The following ERI1 variants were observed in gnomAD, a reference collection of about 807,000 sequenced individuals.
ERI1 encodes 3'-5' exoribonuclease 1.
In ERI1, 39 loss-of-function variants were observed where a neutral mutation model predicts 39.7. That is an observed-to-expected ratio of 0.98 (90% CI 0.76 to 1.28). ERI1 has a LOEUF of 1.28. Ranked by LOEUF, ERI1 falls within the 50% of genes most tolerant of loss-of-function variation. The probability of loss-of-function intolerance (pLI) is 0.00; values close to 1 mark genes in which losing one functional copy is unlikely to be tolerated. For missense variants in ERI1, 581 were observed against 416.9 expected, an observed-to-expected ratio of 1.39 and a Z score of -3.43; for synonymous variants, 204 against 149.6, an observed-to-expected ratio of 1.36 and a Z score of -2.65.
chr8:9,037,674 C>G (rs1319159744), downstream of ERI1, among the ~76,000 whole-genome samples: 1 of 152,068 alleles, frequency 6.6e-6, no homozygotes, highest in African/African-American at 2.4e-5. Context: ...AGCGTAAGTC[C>G]TGACTGCCGT....
chr8:9,054,355 T>G (rs1798445025), intron 3 of ERI1, among the ~76,000 whole-genome samples: 1 of 152,220 alleles, frequency 6.6e-6, no homozygotes, highest in Non-Finnish European at 1.5e-5. Flanking sequence ...TTTCTACAAA[T>G]ACATTTCTTC....
intron 3 of ERI1, among the ~76,000 whole-genome samples, chr8:9,053,296 C>G (rs549869941): frequency 6.6e-6 from 1 of 152,294 alleles, no homozygotes; most frequent in South Asian, 2.1e-4. Context: ...GGATTATAGG[C>G]AAGAGCCACC....
chr8:9,047,044 G>C lies in ERI1; in HGVS notation n.299+26580G>C, dbSNP rs1019934807. Among the ~76,000 whole-genome samples the C allele has an allele frequency of 2.6e-5, 4 of 152,264 alleles. No individual in the cohort carries two copies. The East Asian group carries it at 7.7e-4, about 29-fold the overall frequency. ...AAACAATCAATACTGCCCAAGAACC[G>C]AATAAAGCACGGCTGTTCCCAACAG... On this transcript the variant is annotated intron_variant and non_coding_transcript_variant, in intron 3 of 3. Transcript: ENST00000518663.
At chr8:9,057,430 G>A (rs888626274) in intron 3 of ERI1, among the ~76,000 whole-genome samples, 12 of 152,206 alleles carry the variant, frequency 7.9e-5, no homozygotes, top group Admixed American at 7.2e-4. Flanking sequence ...AACTCCAATC[G>A]CCACCTAGAT....
At chr8:9,093,504 TAAAAAA>T (rs1040785856) in intron 3 of ERI1, among the ~76,000 whole-genome samples, 1 of 124,864 alleles carries the variant, frequency 8.0e-6, no homozygotes, top group East Asian at 2.4e-4. Flanking sequence ...ACCTTGTCTC[TAAAAAA>T]AAAAAAAAAA....
At chr8:9,061,985 T>G (rs2979254) in intron 3 of ERI1, among the ~76,000 whole-genome samples, 127,921 of 151,856 alleles carry the variant, frequency 0.84, 54,521 homozygotes, top group South Asian at 0.92. Flanking sequence ...GAGTATATGG[T>G]TTTGGCACCA....
At position 9,098,834 on chromosome 8, in the gene ERI1, TTTTG is replaced by T. The variant is rs369343451; in HGVS notation, n.300-17498_300-17495del. On this transcript the variant is annotated intron_variant and non_coding_transcript_variant, in intron 3 of 3. Coordinates refer to the ERI1 transcript ENST00000518663. ...TTTCAAATATACAATTTGGTAAGTT[TTTTG>T]TTTGTTTGTTTGTTTCAGACAGGCT... 3.6e-3 allele frequency among the ~76,000 whole-genome samples: 549 copies of T among 152,274 alleles called. 1 individual carries two copies. Among genetic ancestry groups the T allele is most frequent in the Non-Finnish European group, 5.8e-3 (393 of 68,018 alleles).
intron 3 of ERI1, among the ~76,000 whole-genome samples, chr8:9,081,004 A>ACAGTTCC (rs1415317676): frequency 2.0e-5 from 3 of 152,246 alleles, no homozygotes; most frequent in African/African-American, 4.8e-5. Context: ...TAATTGACTC[A>ACAGTTCC]CAGTTCCTCA....
Position 9,011,524 on chromosome 8 carries a change from T to G in ERI1, c.288-18T>G. 1 of 1,532,310 alleles carries G rather than the reference T, an allele frequency of 6.5e-7. No homozygotes were observed. The highest frequency in any genetic ancestry group is 8.9e-7 in the Non-Finnish European group (1 of 1,122,488). 94.9% of individuals were successfully genotyped at this position (1,532,310 alleles called of 1,614,324 possible). ...GTAGAATTTACCTAAGTGTAACTAGTCTTCTTCTTCTACTTAGAGGAGTAA... is the reference window on the plus strand; with the variant it reads ...GTAGAATTTACCTAAGTGTAACTAGGCTTCTTCTTCTACTTAGAGGAGTAA... On this transcript the variant is annotated intron_variant, in intron 2 of 6. Coordinates refer to ENST00000250263, the MANE Select transcript of ERI1 (RefSeq NM_153332.4).
chr8:9,059,948 C>T (rs962099446), intron 3 of ERI1, among the ~76,000 whole-genome samples: 8 of 152,090 alleles, frequency 5.3e-5, no homozygotes, highest in Admixed American at 1.3e-4. Flanking sequence ...TAAAAAGGAG[C>T]GTCCATACAG....
At chr8:9,055,358 A>C (rs1798473913) in intron 3 of ERI1, among the ~76,000 whole-genome samples, 1 of 152,246 alleles carries the variant, frequency 6.6e-6, no homozygotes, top group African/African-American at 2.4e-5. Context: ...ATATGTAAGG[A>C]GAGAGCTTTA....
chr8:9,007,066 T>A (rs1816096431), intron 1 of ERI1, among the ~76,000 whole-genome samples: 1 of 152,248 alleles, frequency 6.6e-6, no homozygotes, highest in South Asian at 2.1e-4. Flanking sequence ...TTTGTGATAT[T>A]GCATGTGGAA....
At chr8:9,016,652 T>C (rs1817323122) in intron 4 of ERI1, among the ~76,000 whole-genome samples, 1 of 152,162 alleles carries the variant, frequency 6.6e-6, no homozygotes, top group Non-Finnish European at 1.5e-5. Context: ...GTAAAATGCA[T>C]CAGCAAATTG....
chr8:9,008,281 C>G, intron 2 of ERI1, 133 bp downstream of exon 2: 1 of 789,022 alleles, frequency 1.3e-6, no homozygotes, highest in Non-Finnish European at 1.9e-6. Flanking sequence ...TTCACAAAAA[C>G]TAATTAACAT....
chr8:9,010,464 C>T (rs938537974), intron 2 of ERI1, among the ~76,000 whole-genome samples: 4 of 152,126 alleles, frequency 2.6e-5, no homozygotes, highest in Non-Finnish European at 4.4e-5. Flanking sequence ...AATATTAAGA[C>T]ATTTCATCTT....
At chr8:9,049,193 C>T (rs937086666) in intron 3 of ERI1, among the ~76,000 whole-genome samples, 6 of 150,910 alleles carry the variant, frequency 4.0e-5, no homozygotes, top group South Asian at 4.2e-4. Context: ...AAAATTTGCC[C>T]GGCGTGGTGG....
chr8:9,023,347 G>C (rs1243147141), intron 6 of ERI1, among the ~76,000 whole-genome samples: 1 of 151,914 alleles, frequency 6.6e-6, no homozygotes, highest in African/African-American at 2.4e-5. Context: ...TGAGAAGCTC[G>C]ATCCCCTTTA....
At chr8:9,070,977 C>G (rs1265861165) in intron 3 of ERI1, among the ~76,000 whole-genome samples, 2 of 152,132 alleles carry the variant, frequency 1.3e-5, no homozygotes, top group Non-Finnish European at 2.9e-5. Flanking sequence ...TCACTCTGTA[C>G]CCCTGCGGAG....
At chr8:9,090,430 GA>G (rs1409025540) in intron 3 of ERI1, among the ~76,000 whole-genome samples, 1 of 152,152 alleles carries the variant, frequency 6.6e-6, no homozygotes, top group Non-Finnish European at 1.5e-5. Context: ...TGCAGATGAA[GA>G]TCTATGTTAA....
Sources: allele counts gnomAD v4.1 joint callset (sites outside exome capture counted in the v4.1 genomes callset), GRCh38; gene constraint gnomAD v4.1.1; transcripts MANE v1.5; gene names NCBI Gene and HGNC (gene_info 2026-07-23, HGNC 2026-07-21).